Variants in TRIO observed in about 807,000 individuals in gnomAD.
TRIO encodes trio Rho guanine nucleotide exchange factor.
A neutral mutation model predicts 351.9 loss-of-function variants in TRIO; 58 were observed. The observed-to-expected ratio is 0.16, with a 90% CI of 0.13 to 0.21. The LOEUF (loss-of-function observed/expected upper bound fraction) is 0.21. Ranked by LOEUF, TRIO falls within the 10% of genes least tolerant of loss-of-function variation. The probability of loss-of-function intolerance (pLI) is 1.00; values close to 1 mark genes in which losing one functional copy is unlikely to be tolerated. For synonymous variants in TRIO, 1,758 were observed against 1,595.7 expected (o/e 1.10, Z -2.42); for missense variants, 3,201 against 4,027.8 (o/e 0.79, Z 5.56).
At chr5:14,428,250 A>G (rs916507059) in intron 34 of TRIO, among the ~76,000 whole-genome samples, 1 of 152,224 alleles carries the variant, frequency 6.6e-6, no homozygotes, top group Non-Finnish European at 1.5e-5. Context: ...ATTCAGGTAT[A>G]TTTAGACATT....
chr5:14,229,354 A>G (rs760165902), intron 1 of TRIO, among the ~76,000 whole-genome samples: 22 of 152,384 alleles, frequency 1.4e-4, no homozygotes, highest in Middle Eastern at 6.8e-3. Flanking sequence ...GCTGCCTTCC[A>G]GTGAAACTTC....
chr5:14,365,761 G>A (rs1162806043), intron 15 of TRIO, among the ~76,000 whole-genome samples: 1 of 152,190 alleles, frequency 6.6e-6, no homozygotes, highest in East Asian at 1.9e-4. Context: ...GAAGATTGCT[G>A]GTCTGCATTT....
Position 14,298,260 on chromosome 5 carries a change from T to C in TRIO, c.1368+997T>C, listed in dbSNP as rs1195431774. On this transcript the variant is annotated intron_variant, in intron 7 of 56. Transcript: ENST00000344204. ...ATACCTCCATTTAAGCAAACTTGCT[T>C]AAACAAACGCTCTGAAAGTAGCAAA... 3.9e-5 allele frequency among the ~76,000 whole-genome samples: 6 copies of C among 152,290 alleles called. No individual in the cohort carries two copies. In the South Asian group the frequency reaches 8.3e-4, roughly 21 times the overall value.
intron 8 of TRIO, among the ~76,000 whole-genome samples, chr5:14,315,547 G>A (rs1001997411): frequency 4.6e-5 from 7 of 151,322 alleles, no homozygotes; most frequent in Non-Finnish European, 8.8e-5. Flanking sequence ...CACCACACCC[G>A]GCCTGCTTAC....
At chr5:14,471,177 C>A in intron 37 of TRIO, 141 bp from the exon 38 acceptor site, 1 of 1,160,308 alleles carries the variant, frequency 8.6e-7, no homozygotes, top group Non-Finnish European at 1.2e-6. Flanking sequence ...TTATTAAATG[C>A]TATAATTTCA....
intron 8 of TRIO, among the ~76,000 whole-genome samples, chr5:14,312,181 G>T (rs971317190): frequency 2.8e-4 from 43 of 152,202 alleles, no homozygotes; most frequent in African/African-American, 1.0e-3. Flanking sequence ...GCAAATCTCT[G>T]AAGTTTTATG....
At chr5:14,224,489 G>T (rs996559688) in intron 1 of TRIO, among the ~76,000 whole-genome samples, 2 of 152,014 alleles carry the variant, frequency 1.3e-5, no homozygotes, top group Non-Finnish European at 2.9e-5. Context: ...GACATAGTCT[G>T]TAATATTAGC....
intron 6 of TRIO, among the ~76,000 whole-genome samples, chr5:14,295,172 G>A (rs1248326366): frequency 1.3e-5 from 2 of 152,044 alleles, no homozygotes; most frequent in Non-Finnish European, 2.9e-5. Context: ...ATAGTGTTTT[G>A]AACAATTTCT....
intron 6 of TRIO, among the ~76,000 whole-genome samples, 186 bp from the exon 7 acceptor site, chr5:14,296,886 T>C (rs1581557347): frequency 1.3e-5 from 2 of 152,212 alleles, no homozygotes; most frequent in East Asian, 3.8e-4. Context: ...TGGAAACCAA[T>C]ACTTCAAGTT....
intron 1 of TRIO, among the ~76,000 whole-genome samples, chr5:14,234,648 A>G (rs1793663055): frequency 6.6e-6 from 1 of 152,352 alleles, no homozygotes; most frequent in South Asian, 2.1e-4. Context: ...GTTCCTACAT[A>G]TACAAGTAAA....
At chr5:14,412,144 C>T (rs1422383837) in intron 33 of TRIO, among the ~76,000 whole-genome samples, 2 of 152,070 alleles carry the variant, frequency 1.3e-5, no homozygotes, top group Admixed American at 6.6e-5. Context: ...AGTACCACCA[C>T]ACCCAGCTAA....
At chr5:14,449,374 G>A (rs1752674841) in intron 34 of TRIO, among the ~76,000 whole-genome samples, 1 of 152,220 alleles carries the variant, frequency 6.6e-6, no homozygotes, top group Admixed American at 6.5e-5. Context: ...GGCATGTTCT[G>A]TTTGGTGACA....
intron 27 of TRIO, 27 bp downstream of exon 27, chr5:14,391,017 A>G (rs1360916554): frequency 6.5e-6 from 10 of 1,549,698 alleles, no homozygotes; most frequent in East Asian, 2.3e-5. Flanking sequence ...TAAAGAGACC[A>G]TAATTTTCCA....
In TRIO at chr5:14,270,558, G is replaced by T. The variant is rs193015423; in HGVS notation, c.158-267G>T. The stretch of plus-strand genomic sequence containing the variant: ...GATTTCATATCCTGTCTCCTTTTGG[G>T]ACCAAGTTGTTATTGCTAGAAATGA... On this transcript the variant is annotated intron_variant, in intron 1 of 56. Transcript: ENST00000344204. Among the ~76,000 whole-genome samples the T allele has an allele frequency of 7.7e-4, 118 of 152,282 alleles. 1 individual carries two copies. Among genetic ancestry groups the T allele is most frequent in the Admixed American group, 1.2e-3 (19 of 15,292 alleles).
chr5:14,202,294 ATTTTTTTTTTTTTTTTT>A lies in TRIO; in HGVS notation c.157+58432_157+58448del, dbSNP rs60827656. On this transcript the variant is annotated intron_variant, in intron 1 of 56. Transcript: ENST00000344204. ...TTAAAACATTTTGAATATTTTTGTG[ATTTTTTTTTTTTTTTTT>A]TTTTTTTTTTTTTTTTTTTGCTCAT... Among the ~76,000 whole-genome samples the A allele has an allele frequency of 8.0e-3, 270 of 33,562 alleles. 4 individuals carry two copies. The Middle Eastern group carries it at 0.12, about 15-fold the overall frequency. 22.0% of individuals were successfully genotyped at this position (33,562 alleles called of 152,430 possible).
At chr5:14,434,607 A>T (rs1751439897) in intron 34 of TRIO, among the ~76,000 whole-genome samples, 1 of 152,194 alleles carries the variant, frequency 6.6e-6, no homozygotes, top group Non-Finnish European at 1.5e-5. Context: ...CATCTCACAT[A>T]CGGTGATGAA....
rs537388070 is a variant in TRIO at position 14,467,985 on chromosome 5, G to A, written c.5763+2345G>A. Among the ~76,000 whole-genome samples, 5 of 152,156 alleles carry A rather than the reference G, an allele frequency of 3.3e-5. 1 individual carries two copies. In the South Asian group the frequency reaches 6.2e-4, roughly 19 times the overall value. On this transcript the variant is annotated intron_variant, in intron 37 of 56. Transcript: ENST00000344204. The stretch of plus-strand genomic sequence containing the variant: ...TTTTTTTTAAAAGCCATTTATACAC[G>A]TCAGTTAAATGACCATTAAAATCAT...
At chr5:14,340,397 G>GA (rs33944910) in intron 11 of TRIO, among the ~76,000 whole-genome samples, 56,800 of 131,196 alleles carry the variant, frequency 0.43, 12,199 homozygotes, top group East Asian at 0.57. Flanking sequence ...ACTCCGTCTG[G>GA]AAAAAAAAAA....
At chr5:14,482,849 GA>G in intron 46 of TRIO, 76 bp downstream of exon 46, 1 of 1,302,592 alleles carries the variant, frequency 7.7e-7, no homozygotes, top group South Asian at 1.9e-5. Context: ...TCCTTTTAAT[GA>G]TGACATACCC....
Sources: allele counts gnomAD v4.1 joint callset (sites outside exome capture counted in the v4.1 genomes callset), GRCh38; gene constraint gnomAD v4.1.1; transcripts MANE v1.5; gene names NCBI Gene and HGNC (gene_info 2026-07-23, HGNC 2026-07-21).